The following CACNB2 variants were observed in gnomAD, a reference collection of about 807,000 sequenced individuals.
CACNB2 encodes the protein voltage-dependent L-type calcium channel subunit beta-2.
In CACNB2, 42 loss-of-function variants were observed where a neutral mutation model predicts 73.3. The ratio of observed to expected loss-of-function variants is 0.57; its 90% CI spans 0.45 to 0.74. CACNB2 has a LOEUF of 0.74. Ranked by LOEUF, CACNB2 falls within the 30% of genes least tolerant of loss-of-function variation. CACNB2 has a pLI of 0.00. For missense variants in CACNB2, 940 were observed against 853.0 expected (o/e 1.10, Z -1.27); for synonymous variants, 348 against 310.3 (o/e 1.12, Z -1.28).
At chr10:18,200,915 G>A (rs956279229) in intron 2 of CACNB2, among the ~76,000 whole-genome samples, 1 of 152,140 alleles carries the variant, frequency 6.6e-6, no homozygotes, top group Non-Finnish European at 1.5e-5. Flanking sequence ...ACAGATCTTT[G>A]CACTACATTT....
At chr10:18,269,633 T>C (rs1398985025) in intron 2 of CACNB2, among the ~76,000 whole-genome samples, 1 of 152,182 alleles carries the variant, frequency 6.6e-6, no homozygotes, top group Admixed American at 6.5e-5. Context: ...GCCCAGATCT[T>C]TCTTCCAAGT....
chr10:18,253,994 G>A (rs952849616), intron 2 of CACNB2, among the ~76,000 whole-genome samples: 8 of 152,194 alleles, frequency 5.3e-5, no homozygotes, highest in Admixed American at 4.6e-4. Flanking sequence ...GAAGCTGAGG[G>A]ATATAGGTTG....
rs1433801469 is a variant in CACNB2 at position 18,537,046 on chromosome 10, G to C, written c.1302+850G>C. ...GTTGCCCAGGCAGGAGTGCAGTGGT[G>C]GTGTCTCAGCTCACTATTGCAACCT... is the stretch of plus-strand genomic sequence containing the variant. On this transcript the variant is annotated intron_variant, in intron 12 of 13. Transcript: ENST00000324631. 2.0e-5 allele frequency among the ~76,000 whole-genome samples: 3 copies of C among 152,110 alleles called. No homozygotes were observed. The East Asian group carries it at 5.8e-4, about 29-fold the overall frequency.
At chr10:18,179,579 G>T (rs548208632) in intron 2 of CACNB2, among the ~76,000 whole-genome samples, 1 of 151,820 alleles carries the variant, frequency 6.6e-6, no homozygotes, top group South Asian at 2.1e-4. Context: ...GGATCTTCGG[G>T]TAAAGATAAG....
At chr10:18,142,527 C>A (rs2030528244) in intron 1 of CACNB2, among the ~76,000 whole-genome samples, 1 of 152,160 alleles carries the variant, frequency 6.6e-6, no homozygotes, top group Non-Finnish European at 1.5e-5. Flanking sequence ...TGAATACTAT[C>A]AGTATTCGAG....
At chr10:18,521,529 G>A (rs1049184446) in intron 9 of CACNB2, among the ~76,000 whole-genome samples, 1 of 152,066 alleles carries the variant, frequency 6.6e-6, no homozygotes, top group Non-Finnish European at 1.5e-5. Context: ...CTCTTCCCCC[G>A]GTCACTATTC....
At chr10:18,507,228 G>C (rs1345557757) in intron 6 of CACNB2, among the ~76,000 whole-genome samples, 2 of 152,140 alleles carry the variant, frequency 1.3e-5, no homozygotes, top group Non-Finnish European at 2.9e-5. Context: ...AAAAACTTTA[G>C]AAAGGTAAGG....
intron 2 of CACNB2, among the ~76,000 whole-genome samples, chr10:18,255,592 C>A (rs1266984393): frequency 1.3e-5 from 2 of 152,168 alleles, no homozygotes; most frequent in Non-Finnish European, 2.9e-5. Context: ...CAGAGACACG[C>A]ACTTGATGAG....
chr10:18,496,592 C>T (rs2049830506), intron 3 of CACNB2, among the ~76,000 whole-genome samples: 1 of 152,008 alleles, frequency 6.6e-6, no homozygotes, highest in African/African-American at 2.4e-5. Context: ...GCAGGCAGAT[C>T]ACCTGAGGTC....
chr10:18,170,154 T>C (rs2033129236), intron 2 of CACNB2, among the ~76,000 whole-genome samples: 1 of 152,188 alleles, frequency 6.6e-6, no homozygotes, highest in African/African-American at 2.4e-5. Context: ...AAGCCATAAG[T>C]TCACTTTAGA....
At chr10:18,259,482 A>G (rs528340253) in intron 2 of CACNB2, among the ~76,000 whole-genome samples, 1 of 150,122 alleles carries the variant, frequency 6.7e-6, no homozygotes, top group Non-Finnish European at 1.5e-5. Flanking sequence ...AGCTTGGCAG[A>G]TCACTTGAGT....
At chr10:18,528,094 GA>G (rs2052655882) in intron 10 of CACNB2, among the ~76,000 whole-genome samples, 2 of 150,734 alleles carry the variant, frequency 1.3e-5, no homozygotes, top group African/African-American at 5.0e-5. Context: ...GATTAAACAT[GA>G]TATGTGCTCA....
At chr10:18,359,907 A>G (rs1036834454) in intron 2 of CACNB2, among the ~76,000 whole-genome samples, 16 of 152,182 alleles carry the variant, frequency 1.1e-4, no homozygotes, top group Admixed American at 3.9e-4. Context: ...GAGTGGTACT[A>G]AAGAGTCCTG....
At chr10:18,255,256 A>G (rs544410900) in intron 2 of CACNB2, among the ~76,000 whole-genome samples, 92 of 152,002 alleles carry the variant, frequency 6.1e-4, no homozygotes, top group African/African-American at 2.1e-3. Flanking sequence ...CTCTTACTTT[A>G]TTCTCCAACT....
At chr10:18,293,094 C>T (rs991271179) in intron 2 of CACNB2, among the ~76,000 whole-genome samples, 1 of 152,014 alleles carries the variant, frequency 6.6e-6, no homozygotes, top group African/African-American at 2.4e-5. Context: ...GTTATTGTGG[C>T]TTTTTTCTGT....
At chr10:18,422,808 C>A (rs1163448146) in intron 3 of CACNB2, among the ~76,000 whole-genome samples, 4 of 152,138 alleles carry the variant, frequency 2.6e-5, no homozygotes, top group Non-Finnish European at 4.4e-5. Context: ...AAGTGATTCC[C>A]CTGCTTCAGC....
At chr10:18,359,528 C>T (rs1246170457) in intron 2 of CACNB2, among the ~76,000 whole-genome samples, 1 of 152,100 alleles carries the variant, frequency 6.6e-6, no homozygotes, top group East Asian at 1.9e-4. Context: ...CCCACCTTGG[C>T]CTCCCAAAGT....
chr10:18,195,077 C>T (rs1564334260), intron 2 of CACNB2, among the ~76,000 whole-genome samples: 1 of 152,128 alleles, frequency 6.6e-6, no homozygotes, highest in Non-Finnish European at 1.5e-5. Context: ...TATGGCATTT[C>T]TTTAAATATC....
At chr10:18,306,019 C>T (rs73603706) in intron 2 of CACNB2, among the ~76,000 whole-genome samples, 1 of 152,056 alleles carries the variant, frequency 6.6e-6, no homozygotes, top group Non-Finnish European at 1.5e-5. Context: ...AGACAAGAAA[C>T]AGGGTCCTGC....
Sources: allele counts gnomAD v4.1 joint callset (sites outside exome capture counted in the v4.1 genomes callset), GRCh38; gene constraint gnomAD v4.1.1; transcripts MANE v1.5; gene names NCBI Gene and HGNC (gene_info 2026-07-23, HGNC 2026-07-21).